MYH4: variants seen among roughly 807,000 people sequenced by gnomAD.
MYH4 encodes the protein myosin heavy chain 4, also known as myosin-4.
A neutral mutation model predicts 229.9 loss-of-function variants in MYH4; 200 were observed. That is an observed-to-expected ratio of 0.87 (90% confidence interval 0.78 to 0.98). The LOEUF (loss-of-function observed/expected upper bound fraction) is 0.98, where lower values mean the gene tolerates loss of function less well. Among genes scored for constraint, MYH4 ranks in the 50% least tolerant of loss-of-function variants. The pLI is 0.00. For missense variants in MYH4, 2,148 were observed against 2,332.6 expected, an observed-to-expected ratio of 0.92 and a Z score of 1.63; for synonymous variants, 761 against 834.6, an observed-to-expected ratio of 0.91 and a Z score of 1.52.
intron 16 of MYH4, 89 bp from the exon 17 acceptor site, chr17:10,456,644 G>A (rs1465523326): frequency 1.9e-6 from 2 of 1,027,792 alleles, no homozygotes; most frequent in Non-Finnish European, 3.0e-6. Flanking sequence ...ATTCCCTTTA[G>A]AATTTAAATT....
In MYH4 at chr17:10,460,106, A is replaced by C. The variant is rs754610688; in HGVS notation, c.1267-5T>G. ...AGCACCCACTGCATTGTACACCTTC[A>C]ACAGAAGTGATAGTTTAGTTTTTTA... On this transcript the variant is annotated splice_region_variant and splice_polypyrimidine_tract_variant and intron_variant, in intron 13 of 39. Coordinates refer to ENST00000255381, the MANE Select transcript of MYH4 (RefSeq NM_017533.2). The C allele has an allele frequency of 2.5e-6, 4 of 1,614,088 alleles. No homozygotes were observed. The highest frequency in any genetic ancestry group is 3.4e-6 in the Non-Finnish European group (4 of 1,180,034).
chr17:10,462,773 G>A, intron 11 of MYH4, 92 bp downstream of exon 11: 1 of 1,055,278 alleles, frequency 9.5e-7, no homozygotes, highest in Non-Finnish European at 1.4e-6. Flanking sequence ...CCTATTTATA[G>A]TCTTTCTGCC....
Position 10,444,607 on chromosome 17 carries a change from C to T in MYH4, c.5664G>A (p.Glu1888=). Residue 1888 remains glutamate, a synonymous_variant, in exon 39 of 40, where the codon GAG becomes GAA. Transcript: ENST00000255381. ...TTTCCACTGTGGAGATACTCACAGC[C>T]TCTTCAGCTTGTCTCTTGTAAGCTT... ...KVKAYKRQAE[E]AEEQSNVNLA... 1 of 1,613,276 alleles carries T rather than the reference C, an allele frequency of 6.2e-7. No homozygotes were observed. The highest frequency in any genetic ancestry group is 8.5e-7 in the Non-Finnish European group (1 of 1,179,424).
intron 19 of MYH4, 50 bp from the exon 20 acceptor site, chr17:10,455,345 A>C: frequency 1.9e-6 from 3 of 1,555,198 alleles, no homozygotes; most frequent in Non-Finnish European, 2.6e-6. Flanking sequence ...CACTGAAAAA[A>C]ACAGTAGAAC....
At chr17:10,463,035 G>A (rs1039789501) in intron 10 of MYH4, 55 bp downstream of exon 10, 1 of 1,590,348 alleles carries the variant, frequency 6.3e-7, no homozygotes, top group Non-Finnish European at 8.6e-7. Context: ...TTTCAGAGAG[G>A]CTTCTTAGAA....
rs780206832 is a variant in MYH4 at position 10,463,593 on chromosome 17, G to A, written c.699C>T (p.Phe233=). ...CATTCCTCACGGTCTTGGCATTGCC[G>A]AAGGCTTCCAGTAGGGGGTTAGCAC... ...IISANPLLEA[F]GNAKTVRNDN... is the part of the protein sequence containing the mutation. The change falls in exon 8 of 40, where the codon TTC becomes TTT. Residue 233 remains phenylalanine (F), a synonymous_variant. Transcript: ENST00000255381. 14 of 1,613,670 alleles carry A rather than the reference G, an allele frequency of 8.7e-6. No individual in the cohort carries two copies. The highest frequency in any genetic ancestry group is 2.7e-5 in the African/African-American group (2 of 74,912).
intron 7 of MYH4, among the ~76,000 whole-genome samples, chr17:10,463,885 T>C (rs2072730858): frequency 6.6e-6 from 1 of 152,238 alleles, no homozygotes; most frequent in South Asian, 2.1e-4. Flanking sequence ...AATTTTTGCC[T>C]ATTATACTTG....
Position 10,455,750 on chromosome 17 carries a change from A to G in MYH4, c.2057-19T>C, listed in dbSNP as rs2072631943. 1.2e-6 allele frequency: 2 copies of G among 1,614,144 alleles called. No individual in the cohort carries two copies. The highest frequency in any genetic ancestry group is 1.7e-6 in the Non-Finnish European group (2 of 1,180,002). On this transcript the variant is annotated intron_variant, in intron 18 of 39. Coordinates refer to ENST00000255381, the MANE Select transcript of MYH4 (RefSeq NM_017533.2). ...ATGGCACCTAAGAGAATGAATCCACATGCCATACTTCGTGGTCTATCGCAC... is the reference window on the plus strand; with the variant it reads ...ATGGCACCTAAGAGAATGAATCCACGTGCCATACTTCGTGGTCTATCGCAC...
At chr17:10,459,886 A>C (rs2072681810) in intron 14 of MYH4, 66 bp downstream of exon 14, 1 of 1,610,098 alleles carries the variant, frequency 6.2e-7, no homozygotes, top group Admixed American at 1.7e-5. Flanking sequence ...CATTTTGTAA[A>C]TGTGATTTTG....
rs1244732876 is a variant in MYH4 at position 10,463,393 on chromosome 17, G to A, written c.750C>T (p.Phe250=). Residue 250 remains phenylalanine (F), a synonymous_variant, in exon 9 of 40, where the codon TTC becomes TTT. Transcript: ENST00000255381. ...CTGTGGCACCAAAATGGATCCTGAT[G>A]AATTTACCCTTAAAAAAGAAAAGGA... ...RNDNSSRFGK[F]IRIHFGATGK... The A allele has an allele frequency of 1.2e-6, 2 of 1,612,350 alleles. No individual in the cohort carries two copies. Among genetic ancestry groups the A allele is most frequent in the Non-Finnish European group, 1.7e-6 (2 of 1,179,274 alleles).
At chr17:10,444,521 AC>A in intron 39 of MYH4, 82 bp downstream of exon 39, 1 of 986,940 alleles carries the variant, frequency 1.0e-6, no homozygotes, top group Non-Finnish European at 1.5e-6. Flanking sequence ...TTTAAAGAAA[AC>A]CCCCTAAATT....
Position 10,444,817 on chromosome 17 carries a change from C to G in MYH4, c.5549G>C (p.Arg1850Thr), listed in dbSNP as rs2072492422. 6.2e-7 allele frequency: 1 copy of G among 1,613,988 alleles called. No individual in the cohort carries two copies. The highest frequency in any genetic ancestry group is 1.3e-5 in the African/African-American group (1 of 74,922). Residue 1850 changes from arginine to threonine, a missense_variant, in exon 38 of 40, where the codon AGA becomes ACA. Coordinates refer to ENST00000255381, the MANE Select transcript of MYH4 (RefSeq NM_017533.2). ...AVKGLRKHER[R>T]VKELTYQTEE... ...CACCTGGTAAGTGAGTTCCTTCACT[C>G]TTCTCTCATGTTTGCGAAGACCCTT...
In MYH4 at chr17:10,462,996, A is replaced by G. The variant is rs148939993; in HGVS notation, c.905-28T>C. 48 of 1,605,754 alleles carry G rather than the reference A, an allele frequency of 3.0e-5. No individual in the cohort carries two copies. In the African/African-American group the frequency reaches 5.6e-4, roughly 19 times the overall value. ...GAACACATGGAAAAGAACAGTATAT[A>G]GACAGCATTGCTTTGGTCATCAAAA... is the stretch of plus-strand genomic sequence containing the variant. On this transcript the variant is annotated intron_variant, in intron 10 of 39. Coordinates refer to ENST00000255381, the MANE Select transcript of MYH4 (RefSeq NM_017533.2).
At chr17:10,462,559 A>T (rs2072714081) in intron 11 of MYH4, among the ~76,000 whole-genome samples, 1 of 152,232 alleles carries the variant, frequency 6.6e-6, no homozygotes. Context: ...ATAAAATAGC[A>T]GAGAAACATT....
At chr17:10,451,006 AAGATTTTCAGTGAT>A in intron 28 of MYH4, 111 bp from the exon 29 acceptor site, 5 of 964,564 alleles carry the variant, frequency 5.2e-6, no homozygotes, top group Non-Finnish European at 7.8e-6. Context: ...AAAACCCCTC[AAGATTTTCAGTGAT>A]GTTGAGAAGG....
intron 6 of MYH4, 39 bp from the exon 7 acceptor site, chr17:10,464,625 G>A (rs756348391): frequency 6.2e-7 from 1 of 1,613,128 alleles, no homozygotes; most frequent in Non-Finnish European, 8.5e-7. Flanking sequence ...AGAATCTAAG[G>A]TAGTAGTAGC....
At chr17:10,465,924 G>A (rs930719235) in intron 4 of MYH4, among the ~76,000 whole-genome samples, 54 of 150,802 alleles carry the variant, frequency 3.6e-4, no homozygotes, top group African/African-American at 1.3e-3. Flanking sequence ...ACAGGTGCCC[G>A]CCACTACGCC....
intron 23 of MYH4, 54 bp downstream of exon 23, chr17:10,453,589 A>G (rs2072602486): frequency 1.2e-6 from 2 of 1,611,886 alleles, no homozygotes; most frequent in African/African-American, 2.7e-5. Flanking sequence ...TTTAATTAAA[A>G]TACTTCAGTA....
At chr17:10,464,634 G>A in intron 6 of MYH4, 47 bp downstream of exon 6, 3 of 1,612,754 alleles carry the variant, frequency 1.9e-6, no homozygotes, top group Non-Finnish European at 2.5e-6. Context: ...GGTAGTAGTA[G>A]CCACTACAAT....
Sources: gnomAD v4.1 joint callset for allele counts (sites outside exome capture counted in the v4.1 genomes callset) on GRCh38, gnomAD v4.1.1 for gene constraint, MANE v1.5 for transcripts, NCBI Gene and HGNC (gene_info 2026-07-23, HGNC 2026-07-21) for gene names.